CALN1: variants seen among roughly 807,000 people sequenced by gnomAD.
CALN1 encodes the protein calneuron 1, also known as calcium-binding protein 8.
In CALN1, 17 loss-of-function variants were observed where a neutral mutation model predicts 30.6. The observed-to-expected ratio is 0.56, with a 90% CI of 0.38 to 0.83. The LOEUF is 0.83. CALN1 is among the 40% of genes least tolerant of loss of function. The pLI, the probability that CALN1 is intolerant of heterozygous loss-of-function variation, is 0.00. For synonymous variants in CALN1, 156 were observed against 131.4 expected (o/e 1.19, Z -1.28); for missense variants, 291 against 354.9 (o/e 0.82, Z 1.45).
At position 71,787,699 on chromosome 7, in the gene CALN1, G is replaced by A. The variant is rs772021684; in HGVS notation, c.*76C>T. 95 of 1,580,156 alleles carry A rather than the reference G, an allele frequency of 6.0e-5. No homozygotes were observed. The highest frequency in any genetic ancestry group is 8.1e-5 in the Non-Finnish European group (94 of 1,163,164). On this transcript the variant is annotated 3_prime_UTR_variant, in exon 7 of 7. Transcript: ENST00000395275. ...CATAGTCCATAGGTCCGTGTCTGCT[G>A]TGTGGAGGAAGAGTCTGCCCGCACG...
At chr7:72,245,087 T>C (rs894965954) in intron 3 of CALN1, among the ~76,000 whole-genome samples, 1 of 152,146 alleles carries the variant, frequency 6.6e-6, no homozygotes, top group African/African-American at 2.4e-5. Flanking sequence ...TGAGTTCTCT[T>C]GGAGGAAAAT....
At chr7:71,807,919 T>C (rs7807234) in intron 6 of CALN1, among the ~76,000 whole-genome samples, 26,659 of 151,964 alleles carry the variant, frequency 0.18, 3,471 homozygotes, top group East Asian at 0.6. Flanking sequence ...ACTAAAAATA[T>C]GAAAATTAGC....
intron 3 of CALN1, among the ~76,000 whole-genome samples, chr7:72,205,551 A>ATATATATACATACATATATATATAT (rs1554319582): frequency 7.2e-5 from 6 of 83,044 alleles, no homozygotes; most frequent in African/African-American, 4.5e-4. Flanking sequence ...GCAAAAAAAA[A>ATATATATACATACATATATATATAT]ATATATATAT....
chr7:71,846,778 A>T (rs1457726219), intron 5 of CALN1, among the ~76,000 whole-genome samples: 2 of 148,032 alleles, frequency 1.4e-5, no homozygotes, highest in African/African-American at 4.9e-5. Context: ...GTATATAAAT[A>T]TATATACGTG....
intron 5 of CALN1, among the ~76,000 whole-genome samples, chr7:71,856,537 A>G (rs1269113249): frequency 6.6e-6 from 1 of 152,204 alleles, no homozygotes; most frequent in African/African-American, 2.4e-5. Context: ...ATATGAACAT[A>G]TACATCTAGA....
chr7:71,828,895 C>T (rs1789094188), intron 5 of CALN1, among the ~76,000 whole-genome samples: 2 of 151,776 alleles, frequency 1.3e-5, no homozygotes, highest in African/African-American at 2.4e-5. Flanking sequence ...ATTACAGGCA[C>T]ACACCACCAC....
chr7:71,935,388 T>C (rs1445092564), intron 5 of CALN1, among the ~76,000 whole-genome samples: 1 of 152,130 alleles, frequency 6.6e-6, no homozygotes, highest in East Asian at 1.9e-4. Flanking sequence ...CTGCCAGGAA[T>C]GAGACTGTCT....
chr7:71,857,606 C>G (rs113276426), intron 5 of CALN1, among the ~76,000 whole-genome samples: 4,131 of 152,302 alleles, frequency 0.027, 160 homozygotes, highest in African/African-American at 0.091. Flanking sequence ...TCCCCCTGTT[C>G]TCTTGGTGGA....
At chr7:71,958,481 C>G (rs2129524896) in intron 5 of CALN1, among the ~76,000 whole-genome samples, 1 of 152,280 alleles carries the variant, frequency 6.6e-6, no homozygotes, top group South Asian at 2.1e-4. Context: ...CTTATTGGTC[C>G]TTCACAAAGT....
At chr7:72,147,644 C>T (rs1462535021) in intron 3 of CALN1, among the ~76,000 whole-genome samples, 1 of 152,024 alleles carries the variant, frequency 6.6e-6, no homozygotes. Context: ...AAGACACATG[C>T]ACACATATGT....
intron 4 of CALN1, among the ~76,000 whole-genome samples, chr7:72,077,903 C>G (rs1804858802): frequency 6.6e-6 from 1 of 152,164 alleles, no homozygotes. Context: ...CTGTTGGAAA[C>G]ATCGAGGCTC....
chr7:72,300,769 G>GGTGT (rs1352246559), intron 2 of CALN1, among the ~76,000 whole-genome samples: 1 of 152,136 alleles, frequency 6.6e-6, no homozygotes, highest in Non-Finnish European at 1.5e-5. Context: ...AGAGGGGGCA[G>GGTGT]ATCACTTGAG....
intron 3 of CALN1, among the ~76,000 whole-genome samples, chr7:72,192,986 G>A (rs1312397294): frequency 2.6e-5 from 4 of 152,060 alleles, no homozygotes; most frequent in South Asian, 2.1e-4. Flanking sequence ...TCAGGAGTTC[G>A]AGACCAGTCT....
At chr7:72,168,822 T>TTG (rs1788727795) in intron 3 of CALN1, among the ~76,000 whole-genome samples, 1 of 148,332 alleles carries the variant, frequency 6.7e-6, no homozygotes, top group Non-Finnish European at 1.5e-5. Context: ...TTTTTTTTTT[T>TTG]GAGATGGAGT....
chr7:71,931,734 G>T (rs976549644), intron 5 of CALN1, among the ~76,000 whole-genome samples: 1 of 152,342 alleles, frequency 6.6e-6, no homozygotes, highest in African/African-American at 2.4e-5. Context: ...TGGATAGTTA[G>T]ACAGGGATTC....
chr7:72,073,722 C>A (rs1804552503), intron 4 of CALN1, among the ~76,000 whole-genome samples: 1 of 148,514 alleles, frequency 6.7e-6, no homozygotes, highest in South Asian at 2.3e-4. Context: ...GGGACAGGAT[C>A]TCATTCTGTC....
intron 3 of CALN1, among the ~76,000 whole-genome samples, chr7:72,120,001 G>A (rs369083388): frequency 7.0e-4 from 106 of 152,184 alleles, no homozygotes; most frequent in African/African-American, 2.2e-3. Flanking sequence ...GTGCACGTTC[G>A]TTCCATGGGT....
intron 5 of CALN1, among the ~76,000 whole-genome samples, chr7:71,876,588 T>C (rs1348922183): frequency 6.6e-6 from 1 of 152,196 alleles, no homozygotes; most frequent in African/African-American, 2.4e-5. Context: ...TAACTTTTAT[T>C]GATTCTTTGT....
Position 72,111,957 on chromosome 7 carries a change from G to A in CALN1, c.245-5663C>T, listed in dbSNP as rs575581977. Among the ~76,000 whole-genome samples the A allele has an allele frequency of 2.6e-5, 4 of 151,830 alleles. 1 individual carries two copies. The South Asian group carries it at 8.4e-4, about 32-fold the overall frequency. On this transcript the variant is annotated intron_variant, in intron 3 of 6. Transcript: ENST00000395275. ...GTAGAGACGGTGTTTCACTATGTCAGCCAGGCTGGTCTTGAACTCCTAACC... is the reference window on the plus strand; with the variant it reads ...GTAGAGACGGTGTTTCACTATGTCAACCAGGCTGGTCTTGAACTCCTAACC...
Sources: gnomAD v4.1 joint callset for allele counts (sites outside exome capture counted in the v4.1 genomes callset) on GRCh38, gnomAD v4.1.1 for gene constraint, MANE v1.5 for transcripts, NCBI Gene and HGNC (gene_info 2026-07-23, HGNC 2026-07-21) for gene names.